The following TENM1 variants were observed in gnomAD, a reference collection of about 807,000 sequenced individuals.
TENM1 encodes teneurin transmembrane protein 1, also known as teneurin-1.
TENM1 carries 35 observed loss-of-function variants against 174.8 expected under a neutral mutation model. The ratio of observed to expected loss-of-function variants is 0.20; its 90% CI spans 0.15 to 0.27. The LOEUF (loss-of-function observed/expected upper bound fraction) is 0.27, where lower values mean the gene tolerates loss of function less well. TENM1 is among the 10% of genes least tolerant of loss of function. TENM1 has a pLI of 1.00. For synonymous variants in TENM1, 781 were observed against 798.7 expected (o/e 0.98, Z 0.37); for missense variants, 1,633 against 2,130.1 (o/e 0.77, Z 4.59).
intron 3 of TENM1, among the ~76,000 whole-genome samples, chrX:124,845,747 C>G (rs1210447674): frequency 9.1e-6 from 1 of 109,760 alleles, no homozygotes; most frequent in African/African-American, 3.3e-5. Context: ...AGGGAAATTA[C>G]AGGGTGTGAT....
the TENM1 span, among the ~76,000 whole-genome samples, chrX:124,986,528 C>A: frequency 8.9e-6 from 1 of 112,383 alleles, no homozygotes; most frequent in Non-Finnish European, 1.9e-5. Context: ...ATATTATTTG[C>A]AGCCTTGATT....
intron 3 of TENM1, among the ~76,000 whole-genome samples, chrX:124,858,802 T>G (rs2056858817): frequency 9.1e-6 from 1 of 110,246 alleles, no homozygotes; most frequent in Non-Finnish European, 1.9e-5. Context: ...TTCAGTTAGT[T>G]ATTTTTAAGT....
chrX:125,121,638 G>A, the TENM1 span, among the ~76,000 whole-genome samples: 1 of 111,955 alleles, frequency 8.9e-6, no homozygotes. Context: ...ACACTATGAG[G>A]TAACACTGTT....
At chrX:124,832,821 C>T (rs986458539) in intron 3 of TENM1, among the ~76,000 whole-genome samples, 12 of 112,076 alleles carry the variant, frequency 1.1e-4, no homozygotes, top group South Asian at 3.7e-4. Flanking sequence ...GAGATCCTCC[C>T]GCCTTGGCCT....
At chrX:124,384,034 T>G in exon 30 of TENM1, 2 of 1,211,515 alleles carry the variant, frequency 1.7e-6, no homozygotes, top group East Asian at 5.9e-5. Flanking sequence ...AATACAGAGA[T>G]GTAATCTCCG....
chrX:124,733,075 C>G (rs1018895892), intron 4 of TENM1, among the ~76,000 whole-genome samples: 11 of 111,682 alleles, frequency 9.8e-5, no homozygotes, highest in African/African-American at 3.6e-4. Flanking sequence ...TTTGGACAAA[C>G]TGGAGTGTTC....
At chrX:124,398,679 A>T (rs1190930239) in intron 27 of TENM1, among the ~76,000 whole-genome samples, 1 of 109,828 alleles carries the variant, frequency 9.1e-6, no homozygotes, top group Non-Finnish European at 1.9e-5. Context: ...TTTTAAAATC[A>T]ACTTTATTTG....
At chrX:124,557,136 T>C (rs1228400760) in intron 14 of TENM1, among the ~76,000 whole-genome samples, 1 of 111,939 alleles carries the variant, frequency 8.9e-6, no homozygotes, top group Non-Finnish European at 1.9e-5. Context: ...AGGAATGTTC[T>C]AGTACTGTGC....
chrX:124,588,341 C>G (rs1225583281), intron 11 of TENM1, among the ~76,000 whole-genome samples: 2 of 111,677 alleles, frequency 1.8e-5, no homozygotes, highest in Non-Finnish European at 3.8e-5. Context: ...CACATATATG[C>G]CATGGAATAC....
intron 3 of TENM1, among the ~76,000 whole-genome samples, chrX:124,797,136 T>C (rs1002913313): frequency 1.8e-5 from 2 of 112,046 alleles, no homozygotes; most frequent in African/African-American, 6.5e-5. Flanking sequence ...TTTAAACTCC[T>C]GGCATTTTTG....
intron 15 of TENM1, among the ~76,000 whole-genome samples, chrX:124,530,482 C>T (rs909915112): frequency 9.0e-6 from 1 of 110,551 alleles, no homozygotes; most frequent in Non-Finnish European, 1.9e-5. Flanking sequence ...GACTAAAGTC[C>T]CTACTGACCG....
intron 23 of TENM1, among the ~76,000 whole-genome samples, chrX:124,444,249 A>G (rs1465367421): frequency 8.9e-6 from 1 of 112,166 alleles, no homozygotes; most frequent in Non-Finnish European, 1.9e-5. Context: ...AAAGAATTGG[A>G]CTAACTCAAA....
At chrX:124,487,464 G>T (rs956048597) in intron 20 of TENM1, among the ~76,000 whole-genome samples, 1 of 112,044 alleles carries the variant, frequency 8.9e-6, no homozygotes, top group African/African-American at 3.2e-5. Flanking sequence ...TGGTGGATGC[G>T]CAAAGTTCTA....
chrX:124,858,373 C>T (rs1444655488), intron 3 of TENM1, among the ~76,000 whole-genome samples: 3 of 111,780 alleles, frequency 2.7e-5, no homozygotes, highest in African/African-American at 9.8e-5. Context: ...TCTTCCACCA[C>T]TTGGCACTTG....
At chrX:124,639,305 T>C (rs181187916) in intron 11 of TENM1, among the ~76,000 whole-genome samples, 134 of 112,043 alleles carry the variant, frequency 1.2e-3, no homozygotes, top group African/African-American at 4.2e-3. Context: ...AAACTGCTCC[T>C]TCTGCCTGAA....
rs568685227 is a variant in TENM1 at position 124,717,583 on chromosome X, T to G, written c.777-12332A>C. Among the ~76,000 whole-genome samples, 3 of 111,703 alleles carry G rather than the reference T, an allele frequency of 2.7e-5. No homozygotes were observed. The South Asian group carries it at 1.1e-3, about 42-fold the overall frequency. On this transcript the variant is annotated intron_variant, in intron 4 of 31. Coordinates refer to ENST00000422452, the Ensembl canonical transcript of TENM1. ...GACATCACCTGGTCCCAGAAAGAAATAGAATGATGGAGAGAGTTTCATCTT... is the reference window on the plus strand; with the variant it reads ...GACATCACCTGGTCCCAGAAAGAAAGAGAATGATGGAGAGAGTTTCATCTT...
At chrX:124,771,393 A>T (rs1182131784) in intron 3 of TENM1, among the ~76,000 whole-genome samples, 1 of 112,673 alleles carries the variant, frequency 8.9e-6, no homozygotes, top group Non-Finnish European at 1.9e-5. Flanking sequence ...AGTGAAAGAC[A>T]TTAGGGAGAC....
chrX:124,509,678 G>A (rs762591600), intron 18 of TENM1, among the ~76,000 whole-genome samples: 7 of 107,989 alleles, frequency 6.5e-5, no homozygotes, highest in Non-Finnish European at 1.2e-4. Flanking sequence ...TCATGTGAGA[G>A]AAGCCATACC....
chrX:124,955,852 T>G (rs1229912772), intron 1 of TENM1, among the ~76,000 whole-genome samples: 3 of 109,892 alleles, frequency 2.7e-5, no homozygotes, highest in African/African-American at 9.9e-5. Flanking sequence ...AAAATTGATC[T>G]AAATTTACAG....
Sources: gnomAD v4.1 joint callset for allele counts (sites outside exome capture counted in the v4.1 genomes callset) on GRCh38, gnomAD v4.1.1 for gene constraint, MANE v1.5 for transcripts, NCBI Gene and HGNC (gene_info 2026-07-23, HGNC 2026-07-21) for gene names.